The following TRIM17 variants were observed in gnomAD, a reference collection of about 807,000 sequenced individuals.
TRIM17 encodes E3 ubiquitin-protein ligase TRIM17.
In TRIM17, 27 loss-of-function variants were observed where a neutral mutation model predicts 35.8. The observed-to-expected ratio is 0.75, with a 90% CI of 0.56 to 1.04. The LOEUF (loss-of-function observed/expected upper bound fraction) is 1.04, where lower values mean the gene tolerates loss of function less well. Among genes scored for constraint, TRIM17 ranks in the 50% least tolerant of loss-of-function variants. The pLI is 0.00. For synonymous variants in TRIM17, 246 were observed against 252.6 expected, an observed-to-expected ratio of 0.97 and a Z score of 0.25; for missense variants, 582 against 612.8, an observed-to-expected ratio of 0.95 and a Z score of 0.53.
chr1:228,414,240 C>A (rs1445164243), intron 2 of TRIM17, among the ~76,000 whole-genome samples: 1 of 152,208 alleles, frequency 6.6e-6, no homozygotes, highest in African/African-American at 2.4e-5. Flanking sequence ...GCTAAACTAA[C>A]CCTCATCCTC....
At chr1:228,415,265 G>C (rs1470160393) in intron 1 of TRIM17, 152 bp from the exon 2 acceptor site, 6 of 625,774 alleles carry the variant, frequency 9.6e-6, no homozygotes, top group Non-Finnish European at 1.6e-5. Context: ...AACAGACACA[G>C]ATGCCTCCCC....
At chr1:228,409,906 G>T (rs962036163) in intron 4 of TRIM17, among the ~76,000 whole-genome samples, 1 of 152,120 alleles carries the variant, frequency 6.6e-6, no homozygotes, top group Non-Finnish European at 1.5e-5. Context: ...GAAGCTACAA[G>T]GGACTTGTTT....
Position 228,416,780 on chromosome 1 carries a change from G to T in TRIM17, c.-283C>A. On this transcript the variant is annotated 5_prime_UTR_variant, in exon 1 of 7. Transcript: ENST00000366698. ...ACTGGGGCGGCGCCTCTTAGGAGAGGTTGGGGGTGGCTTGGGGAAGGAAGG... is the reference window on the plus strand; with the variant it reads ...ACTGGGGCGGCGCCTCTTAGGAGAGTTTGGGGGTGGCTTGGGGAAGGAAGG... The T allele has an allele frequency of 1.0e-6, 1 of 984,136 alleles. No homozygotes were observed. The highest frequency in any genetic ancestry group is 1.2e-6 in the Non-Finnish European group (1 of 829,408). The allele number at this position is 984,136 out of a possible 1,614,324, so 61.0% of individuals were successfully genotyped here. A position where few individuals can be genotyped will look rare whatever the true frequency, so the allele number is the denominator to read the frequency against.
intron 6 of TRIM17, 106 bp downstream of exon 6, chr1:228,409,066 G>A: frequency 1.2e-6 from 2 of 1,613,396 alleles, no homozygotes; most frequent in Non-Finnish European, 1.7e-6. Flanking sequence ...ACCAGGCAGT[G>A]CACTTGTAGA....
Position 228,411,015 on chromosome 1 carries a change from AC to A in TRIM17, c.686del (p.Gly229ValfsTer26). ...GCAGCAGCAGCAGCTCCAGAGAGTGACCCTGCCGGTCCAGGCAGGCCACGCT... is the reference window on the plus strand; with the variant it reads ...GCAGCAGCAGCAGCTCCAGAGAGTGACCTGCCGGTCCAGGCAGGCCACGCT... Reference protein sequence around the residue: ...RESVACLDRQGHSLELLLLQL... With the variant: ...RESVACLDRQXHSLELLLLQL... On this transcript the variant is annotated frameshift_variant, in exon 4 of 7. Coordinates refer to ENST00000366698, the MANE Select transcript of TRIM17 (RefSeq NM_016102.4). LOFTEE classifies it high-confidence loss of function. This position sits in a 1 kb window ranked among gnomAD's most constrained non-coding sequence, Gnocchi z 4.2. 1 of 1,611,954 alleles carries A rather than the reference AC, an allele frequency of 6.2e-7. No individual in the cohort carries two copies. Among genetic ancestry groups the A allele is most frequent in the Non-Finnish European group, 8.5e-7 (1 of 1,179,448 alleles).
intron 1 of TRIM17, 176 bp from the exon 2 acceptor site, chr1:228,415,289 A>C (rs1574103100): frequency 8.9e-6 from 5 of 559,392 alleles, no homozygotes; most frequent in South Asian, 7.3e-5. Context: ...AACTACACAG[A>C]CCCTCCCTGA....
Position 228,408,956 on chromosome 1 carries a change from G to T in TRIM17, c.884-205C>A. ...TGGTGGCAATAAGGTACAGGGGGCT[G>T]GGCAGAGAGACCACTGGGAACTCAA... is the stretch of plus-strand genomic sequence containing the variant. On this transcript the variant is annotated intron_variant, in intron 6 of 6. Transcript: ENST00000366698. The surrounding 1 kb of genome is among the most constrained non-coding windows in gnomAD (Gnocchi z 6.3). 4.0e-6 allele frequency: 6 copies of T among 1,509,304 alleles called. No homozygotes were observed. In the South Asian group the frequency reaches 7.9e-5, roughly 20 times the overall value. 93.5% of individuals were successfully genotyped at this position (1,509,304 alleles called of 1,614,324 possible). A position where few individuals can be genotyped will look rare whatever the true frequency, so the allele number is the denominator to read the frequency against.
rs1656790224 is a variant in TRIM17 at position 228,411,581 on chromosome 1, C to T, written c.526-405G>A. Among the ~76,000 whole-genome samples the T allele has an allele frequency of 1.3e-5, 2 of 151,634 alleles. No homozygotes were observed. Among genetic ancestry groups the T allele is most frequent in the African/African-American group, 4.9e-5 (2 of 41,214 alleles). On this transcript the variant is annotated intron_variant, in intron 3 of 6. Transcript: ENST00000366698. The surrounding 1 kb of genome is among the most constrained non-coding windows in gnomAD (Gnocchi z 4.2). The stretch of plus-strand genomic sequence containing the variant: ...CAACCTTGACCTCCTGGGCTCAAGT[C>T]ATCTGAGTAGCTGGGACCACAGGCA...
Position 228,414,677 on chromosome 1 carries a change from C to T in TRIM17, c.396G>A (p.Val132=). ...CCTGCACTGCCTCCTCGGCGGGCAGCACCCTGTGCAGCCGGTGCTCCCGGG... is the reference window on the plus strand; with the variant it reads ...CCTGCACTGCCTCCTCGGCGGGCAGTACCCTGTGCAGCCGGTGCTCCCGGG... ...RESREHRLHR[V]LPAEEAVQGY... The change falls in exon 2 of 7, where the codon GTG becomes GTA. Residue 132 remains valine (V), a synonymous_variant. Coordinates refer to ENST00000366698, the MANE Select transcript of TRIM17 (RefSeq NM_016102.4). 1 of 1,611,712 alleles carries T rather than the reference C, an allele frequency of 6.2e-7. No homozygotes were observed. Among genetic ancestry groups the T allele is most frequent in the Non-Finnish European group, 8.5e-7 (1 of 1,180,026 alleles).
Position 228,414,872 on chromosome 1 carries a change from C to T in TRIM17, c.201G>A (p.Glu67=), listed in dbSNP as rs1657002152. The part of the protein sequence containing the change: ...KGSFPCPECR[E]MSPQRNLLPN... The stretch of plus-strand genomic sequence containing the variant: ...GCAGCAGGTTCCTCTGCGGGGACAT[C>T]TCTCTGCACTCGGGGCAGGGGAAGG... The change falls in exon 2 of 7, where the codon GAG becomes GAA. Residue 67 remains glutamate (E), a synonymous_variant. Transcript: ENST00000366698. 6 of 1,613,622 alleles carry T rather than the reference C, an allele frequency of 3.7e-6. No individual in the cohort carries two copies. Among genetic ancestry groups the T allele is most frequent in the Non-Finnish European group, 5.1e-6 (6 of 1,179,972 alleles).
intron 1 of TRIM17, chr1:228,415,318 C>A: frequency 2.0e-6 from 1 of 496,262 alleles, no homozygotes. Context: ...CTGCAGGCCC[C>A]TCCGCCTCTC....
chr1:228,412,595 C>A (rs1446068370), intron 3 of TRIM17, among the ~76,000 whole-genome samples: 412 of 47,390 alleles, frequency 8.7e-3, no homozygotes, highest in Non-Finnish European at 9.8e-3. Context: ...CTTGTCTCTA[C>A]AAAAAAAAAA....
chr1:228,409,366 C>G, intron 5 of TRIM17, 23 bp downstream of exon 5: 1 of 1,589,006 alleles, frequency 6.3e-7, no homozygotes, highest in Non-Finnish European at 8.6e-7. Context: ...CTGCCCCCGC[C>G]CCTGCCTGAG....
Position 228,411,057 on chromosome 1 carries a change from G to C in TRIM17, c.645C>G (p.Ala215=). The change falls in exon 4 of 7, where the codon GCC becomes GCG. Residue 215 remains alanine (A), a synonymous_variant. Coordinates refer to ENST00000366698, the MANE Select transcript of TRIM17 (RefSeq NM_016102.4). The surrounding 1 kb of genome is among the most constrained non-coding windows in gnomAD (Gnocchi z 4.2). ...QALETEEEET[A]SRLRESVACL... is the part of the protein sequence containing the mutation. ...AGGCCACGCTCTCCCGGAGCCTGCTGGCAGTCTCCTCTTCTTCCGTCTCCA... is the reference window on the plus strand; with the variant it reads ...AGGCCACGCTCTCCCGGAGCCTGCTCGCAGTCTCCTCTTCTTCCGTCTCCA... 1 of 1,613,732 alleles carries C rather than the reference G, an allele frequency of 6.2e-7. No individual in the cohort carries two copies. The highest frequency in any genetic ancestry group is 8.5e-7 in the Non-Finnish European group (1 of 1,179,880).
rs775593688 is a variant in TRIM17 at position 228,408,791 on chromosome 1, T to G, written c.884-40A>C. 2.1e-5 allele frequency: 33 copies of G among 1,574,176 alleles called. No individual in the cohort carries two copies. Among genetic ancestry groups the G allele is most frequent in the Non-Finnish European group, 2.7e-5 (31 of 1,165,848 alleles). On this transcript the variant is annotated intron_variant, in intron 6 of 6. Coordinates refer to ENST00000366698, the MANE Select transcript of TRIM17 (RefSeq NM_016102.4). This position sits in a 1 kb window ranked among gnomAD's most constrained non-coding sequence, Gnocchi z 6.3. ...GGTGGTGGAGAGATGGGGAGAGGTG[T>G]GGGGCATTCAGGGTCAAAGGTGGGA...
rs1289371973 is a variant in TRIM17, at chr1:228,408,715, T to C, written c.920A>G (p.Tyr307Cys). The C allele has an allele frequency of 1.9e-6, 3 of 1,604,484 alleles. No individual in the cohort carries two copies. Among genetic ancestry groups the C allele is most frequent in the Non-Finnish European group, 2.5e-6 (3 of 1,179,806 alleles). Residue 307 changes from tyrosine (Y) to cysteine (C), a missense_variant, in exon 7 of 7, where the codon TAC (tyrosine) becomes TGC (cysteine). By Grantham distance (194) the Tyr-to-Cys change is radical. Transcript: ENST00000366698. The surrounding 1 kb of genome is among the most constrained non-coding windows in gnomAD (Gnocchi z 6.3). ...VVPDATSAYPYLLLYESRQRR... is the reference protein window; with the variant it reads ...VVPDATSAYPCLLLYESRQRR... Reference sequence around the variant, plus strand: ...CTGGCGGCTCTCATACAGGAGGAGGTAGGGGTACGCGGAGGTGGCATCAGG... The same window carrying C: ...CTGGCGGCTCTCATACAGGAGGAGGCAGGGGTACGCGGAGGTGGCATCAGG...
intron 4 of TRIM17, among the ~76,000 whole-genome samples, chr1:228,409,977 G>A (rs1414854707): frequency 6.6e-6 from 1 of 152,208 alleles, no homozygotes. Flanking sequence ...GGACTCTCAT[G>A]CAGGTGGCGC....
In TRIM17 at chr1:228,416,580, C is replaced by T; in HGVS notation, c.-83G>A. On this transcript the variant is annotated 5_prime_UTR_variant, in exon 1 of 7. Transcript: ENST00000366698. ...CCGCACAGCGCCTAGTGCACCTGGCCGAGCGCTCGCTGCCGGGAAAGGCTG... is the reference window on the plus strand; with the variant it reads ...CCGCACAGCGCCTAGTGCACCTGGCTGAGCGCTCGCTGCCGGGAAAGGCTG... 4 of 985,536 alleles carry T rather than the reference C, an allele frequency of 4.1e-6. No individual in the cohort carries two copies. Among genetic ancestry groups the T allele is most frequent in the Non-Finnish European group, 4.8e-6 (4 of 830,194 alleles). 61.0% of individuals were successfully genotyped at this position (985,536 alleles called of 1,614,324 possible).
Position 228,414,627 on chromosome 1 carries a change from G to A in TRIM17, c.429+17C>T, listed in dbSNP as rs1656977976. On this transcript the variant is annotated intron_variant, in intron 2 of 6. Transcript: ENST00000366698. ...CCTCCTCCCCGGCCCCTTGACCTGG[G>A]CCCCGATGTGGCCTACCTTGTACCC... The A allele has an allele frequency of 3.1e-6, 5 of 1,601,132 alleles. No individual in the cohort carries two copies. The East Asian group carries it at 6.7e-5, about 22-fold the overall frequency.
Sources: gnomAD v4.1 joint callset for allele counts (sites outside exome capture counted in the v4.1 genomes callset) on GRCh38, gnomAD v4.1.1 for gene constraint, Gnocchi (gnomAD v3.1) non-coding constraint, MANE v1.5 for transcripts, NCBI Gene and HGNC (gene_info 2026-07-23, HGNC 2026-07-21) for gene names.